Variants in E2F6 observed in about 807,000 individuals in gnomAD.
E2F6 encodes the protein transcription factor E2F6.
E2F6 carries 19 observed loss-of-function variants against 31.5 expected under a neutral mutation model. That is an observed-to-expected ratio of 0.60 (90% CI 0.42 to 0.89). E2F6 has a LOEUF of 0.89. Ranked by LOEUF, E2F6 falls within the 40% of genes least tolerant of loss-of-function variation. E2F6 has a pLI of 0.00. For missense variants in E2F6, 269 were observed against 341.6 expected (o/e 0.79, Z 1.67); for synonymous variants, 121 against 127.7 (o/e 0.95, Z 0.36).
intron 5 of E2F6, 87 bp from the exon 6 acceptor site, chr2:11,447,861 T>C (rs1043591563): frequency 1.4e-6 from 2 of 1,458,622 alleles, no homozygotes; most frequent in Non-Finnish European, 1.8e-6. Flanking sequence ...TTTCGAGACA[T>C]TTGAGAAAAT....
chr2:11,454,344 ATC>A (rs1300663611), intron 2 of E2F6, among the ~76,000 whole-genome samples: 3 of 150,374 alleles, frequency 2.0e-5, no homozygotes, highest in Admixed American at 6.6e-5. Context: ...CAACAGTGGT[ATC>A]TCTCTCTTTT....
intron 1 of E2F6, among the ~76,000 whole-genome samples, chr2:11,458,883 TGGCCTTGGG>T (rs891111176): frequency 2.0e-5 from 3 of 152,194 alleles, no homozygotes; most frequent in Non-Finnish European, 4.4e-5. Context: ...CTGGGAATGC[TGGCCTTGGG>T]GGTAGGGACT....
intron 4 of E2F6, among the ~76,000 whole-genome samples, 199 bp from the exon 5 acceptor site, chr2:11,450,325 T>G (rs1209215065): frequency 6.6e-6 from 1 of 152,192 alleles, no homozygotes; most frequent in East Asian, 1.9e-4. Context: ...AAGATTTTTA[T>G]GAAGGGTTTT....
intron 1 of E2F6, among the ~76,000 whole-genome samples, chr2:11,460,288 T>C (rs892180737): frequency 6.8e-6 from 1 of 146,628 alleles, no homozygotes; most frequent in Non-Finnish European, 1.5e-5. Context: ...GGAAAGGTTA[T>C]TGCATTCTCA....
In E2F6 at chr2:11,466,050, C is replaced by T; in HGVS notation, c.-171G>A. 1 of 558,696 alleles carries T rather than the reference C, an allele frequency of 1.8e-6. No individual in the cohort carries two copies. The highest frequency in any genetic ancestry group is 3.0e-6 in the Non-Finnish European group (1 of 329,256). The allele number at this position is 558,696 out of a possible 1,614,324, so 34.6% of individuals were successfully genotyped here. A position where few individuals can be genotyped will look rare whatever the true frequency, so the allele number is the denominator to read the frequency against. On this transcript the variant is annotated 5_prime_UTR_variant, in exon 1 of 7. Transcript: ENST00000381525. ...CTAGGCCGTCCCGCCCGCCAGTAAACGCGGCACGGCCTCACGTGCCCGGGA... is the reference window on the plus strand; with the variant it reads ...CTAGGCCGTCCCGCCCGCCAGTAAATGCGGCACGGCCTCACGTGCCCGGGA...
At chr2:11,455,398 A>G in intron 2 of E2F6, 1 of 1,270,402 alleles carries the variant, frequency 7.9e-7, no homozygotes, top group Non-Finnish European at 1.0e-6. Flanking sequence ...TAGTTTAAAG[A>G]CCACTGGCGG....
At chr2:11,454,706 C>T (rs1351710423) in intron 2 of E2F6, among the ~76,000 whole-genome samples, 3 of 147,798 alleles carry the variant, frequency 2.0e-5, no homozygotes, top group South Asian at 4.3e-4. Context: ...AACAGATAGA[C>T]AAAAAAAAAA....
chr2:11,458,471 T>A (rs1671552588), intron 1 of E2F6: 1 of 1,022,362 alleles, frequency 9.8e-7, no homozygotes, highest in African/African-American at 1.6e-5. Flanking sequence ...GTAAGTGACT[T>A]GACTTTGAAG....
At chr2:11,465,369 G>A (rs1672096573) in intron 1 of E2F6, among the ~76,000 whole-genome samples, 1 of 152,104 alleles carries the variant, frequency 6.6e-6, no homozygotes, top group South Asian at 2.1e-4. Context: ...TTGATGAATG[G>A]GAGCTGTGGC....
intron 4 of E2F6, 158 bp downstream of exon 4, chr2:11,451,493 G>A: frequency 1.5e-6 from 1 of 647,656 alleles, no homozygotes; most frequent in Non-Finnish European, 2.4e-6. Flanking sequence ...TGGGATTACA[G>A]CCATGTGTGC....
At chr2:11,450,569 A>G (rs1558452556) in intron 4 of E2F6, among the ~76,000 whole-genome samples, 1 of 152,190 alleles carries the variant, frequency 6.6e-6, no homozygotes, top group Non-Finnish European at 1.5e-5. Context: ...TGAAAGATGG[A>G]AAAAAATCTA....
Position 11,444,531 on chromosome 2 carries a change from T to TA in E2F6, c.*1945dup, listed in dbSNP as rs1347381734. 6.6e-6 allele frequency: 1 copy of TA among 152,256 alleles called. No individual in the cohort carries two copies. The highest frequency in any genetic ancestry group is 1.5e-5 in the Non-Finnish European group (1 of 68,054). The allele number at this position is 152,256 out of a possible 1,614,324, so 9.4% of individuals were successfully genotyped here. ...AACTGCTGCTCAGAAATGATGGTAT[T>TA]ACCTTTGGTAAAACCTTTGTTGGTT... is the stretch of plus-strand genomic sequence containing the variant. On this transcript the variant is annotated 3_prime_UTR_variant, in exon 7 of 7. Transcript: ENST00000381525.
chr2:11,444,605 A>G lies in E2F6; in HGVS notation c.*1872T>C, dbSNP rs986692351. Reference sequence around the variant, plus strand: ...CCCACCCGCCCCATTATTCCTTCTCAGGAGACTTCTTCTGTATTTCTCCTT... The same window carrying G: ...CCCACCCGCCCCATTATTCCTTCTCGGGAGACTTCTTCTGTATTTCTCCTT... On this transcript the variant is annotated 3_prime_UTR_variant, in exon 7 of 7. Transcript: ENST00000381525. 4 of 125,856 alleles carry G rather than the reference A, an allele frequency of 3.2e-5. No homozygotes were observed. Among genetic ancestry groups the G allele is most frequent in the Non-Finnish European group, 4.7e-5 (3 of 64,346 alleles). The allele number at this position is 125,856 out of a possible 1,614,324, so 7.8% of individuals were successfully genotyped here. A position where few individuals can be genotyped will look rare whatever the true frequency, so the allele number is the denominator to read the frequency against.
chr2:11,465,179 A>AAAC (rs1491527933), intron 1 of E2F6, among the ~76,000 whole-genome samples: 1 of 14,328 alleles, frequency 7.0e-5, no homozygotes, highest in Non-Finnish European at 1.8e-4. Context: ...ACTCAATCTC[A>AAAC]AAAAAAAAAA....
chr2:11,457,919 T>C (rs1200708484), intron 1 of E2F6, among the ~76,000 whole-genome samples: 2 of 152,236 alleles, frequency 1.3e-5, no homozygotes, highest in African/African-American at 2.4e-5. Flanking sequence ...TTGCGTTAGA[T>C]AAAAAGTTTC....
Position 11,463,989 on chromosome 2 carries a change from A to G in E2F6, c.108+1783T>C, listed in dbSNP as rs571022964. Among the ~76,000 whole-genome samples, 18 of 149,644 alleles carry G rather than the reference A, an allele frequency of 1.2e-4. 1 individual carries two copies. The South Asian group carries it at 1.9e-3, about 16-fold the overall frequency. On this transcript the variant is annotated intron_variant, in intron 1 of 6. Transcript: ENST00000381525. ...AACAAAAACAGAAAAACAAATCAACATGAAGGAATGGGAAGAGGATGAGGA... is the reference window on the plus strand; with the variant it reads ...AACAAAAACAGAAAAACAAATCAACGTGAAGGAATGGGAAGAGGATGAGGA...
At chr2:11,458,257 G>T (rs936984308) in intron 1 of E2F6, 13 of 1,551,348 alleles carry the variant, frequency 8.4e-6, no homozygotes, top group Non-Finnish European at 1.1e-5. Flanking sequence ...CAGTACTAGG[G>T]ATACACCCAG....
In E2F6 at chr2:11,465,935, C is replaced by T. The variant is rs1238554792; in HGVS notation, c.-56G>A. 7.7e-6 allele frequency: 11 copies of T among 1,434,350 alleles called. No individual in the cohort carries two copies. Among genetic ancestry groups the T allele is most frequent in the African/African-American group, 1.5e-5 (1 of 68,388 alleles). 88.9% of individuals were successfully genotyped at this position (1,434,350 alleles called of 1,614,324 possible). A position where few individuals can be genotyped will look rare whatever the true frequency, so the allele number is the denominator to read the frequency against. ...CACCCCACGAGCTCTCCCGCCCTCT[C>T]GCGCTCAGCTCGAGCACCGCCCCCC... On this transcript the variant is annotated 5_prime_UTR_variant, in exon 1 of 7. Coordinates refer to ENST00000381525, the MANE Select transcript of E2F6 (RefSeq NM_198256.4).
At chr2:11,458,419 T>C (rs760546431) in intron 1 of E2F6, 23 of 1,499,942 alleles carry the variant, frequency 1.5e-5, no homozygotes, top group African/African-American at 2.8e-5. Context: ...AAGATGTATA[T>C]GGCATGGCAT....
Sources: gnomAD v4.1 joint callset for allele counts (sites outside exome capture counted in the v4.1 genomes callset) on GRCh38, gnomAD v4.1.1 for gene constraint, MANE v1.5 for transcripts, NCBI Gene and HGNC (gene_info 2026-07-23, HGNC 2026-07-21) for gene names.